HTR4: variants seen among roughly 807,000 people sequenced by gnomAD.
HTR4 encodes 5-hydroxytryptamine receptor 4, also known as 5-hydroxytryptamine (serotonin) receptor 4, G protein-coupled.
A neutral mutation model predicts 36.8 loss-of-function variants in HTR4; 16 were observed. That is an observed-to-expected ratio of 0.43 (90% CI 0.29 to 0.66). HTR4 has a LOEUF of 0.66. Ranked by LOEUF, HTR4 falls within the 30% of genes least tolerant of loss-of-function variation. The probability of loss-of-function intolerance (pLI) is 0.13; values close to 1 mark genes in which losing one functional copy is unlikely to be tolerated. For missense variants in HTR4, 438 were observed against 490.9 expected (o/e 0.89, Z 1.02); for synonymous variants, 189 against 185.1 (o/e 1.02, Z -0.17).
At chr5:148,623,012 A>T (rs1040551558) in intron 2 of HTR4, among the ~76,000 whole-genome samples, 4 of 152,310 alleles carry the variant, frequency 2.6e-5, no homozygotes, top group African/African-American at 9.6e-5. Context: ...TTGAGGAAAA[A>T]GAAGGGGTAG....
chr5:148,551,136 G>A (rs895585268), intron 2 of HTR4, among the ~76,000 whole-genome samples: 1 of 152,118 alleles, frequency 6.6e-6, no homozygotes, highest in Non-Finnish European at 1.5e-5. Flanking sequence ...TTGTTACTGA[G>A]CAAGTTACTT....
downstream of HTR4, among the ~76,000 whole-genome samples, chr5:148,477,646 G>A (rs1755741713): frequency 6.6e-6 from 1 of 152,176 alleles, no homozygotes; most frequent in Admixed American, 6.5e-5. Flanking sequence ...AGGGTTAAAT[G>A]AGGTGTCTCA....
Position 148,601,286 on chromosome 5 carries a change from C to T in HTR4, c.26+35703G>A, listed in dbSNP as rs1469120211. 2.6e-5 allele frequency among the ~76,000 whole-genome samples: 4 copies of T among 152,056 alleles called. 1 individual carries two copies. The highest frequency in any genetic ancestry group is 9.7e-5 in the African/African-American group (4 of 41,394). On this transcript the variant is annotated intron_variant, in intron 2 of 6. Coordinates refer to ENST00000377888, the MANE Select transcript of HTR4 (RefSeq NM_000870.7). ...ATTATGGAAGACAGTGTAGAGGTTC[C>T]TCGAAATAGTAAAAATATAACTACC...
At chr5:148,648,745 C>T (rs943124012) in intron 1 of HTR4, among the ~76,000 whole-genome samples, 3 of 152,170 alleles carry the variant, frequency 2.0e-5, no homozygotes, top group Non-Finnish European at 4.4e-5. Flanking sequence ...GCTATGACTT[C>T]TTGGTCATAA....
chr5:148,588,730 C>T (rs1761445817), intron 2 of HTR4, among the ~76,000 whole-genome samples: 1 of 150,588 alleles, frequency 6.6e-6, no homozygotes, highest in African/African-American at 2.4e-5. Flanking sequence ...TTAGTAGAGA[C>T]GGGGTTTCAC....
At chr5:148,614,955 GA>G (rs1302435984) in intron 2 of HTR4, among the ~76,000 whole-genome samples, 1 of 152,070 alleles carries the variant, frequency 6.6e-6, no homozygotes, top group Non-Finnish European at 1.5e-5. Flanking sequence ...GGCCATCAGA[GA>G]AATGCAAATC....
downstream of HTR4, among the ~76,000 whole-genome samples, chr5:148,478,457 T>C (rs1755769088): frequency 6.6e-6 from 1 of 152,134 alleles, no homozygotes; most frequent in Admixed American, 6.5e-5. Flanking sequence ...GCTTTCTGAA[T>C]GGAGGAAGAG....
intron 2 of HTR4, among the ~76,000 whole-genome samples, chr5:148,618,834 G>C (rs1752806044): frequency 6.6e-6 from 1 of 152,214 alleles, no homozygotes; most frequent in Non-Finnish European, 1.5e-5. Context: ...AAGGGCCACT[G>C]TCAATTTAAT....
At chr5:148,531,985 C>T (rs771670410) in intron 4 of HTR4, among the ~76,000 whole-genome samples, 30 of 152,132 alleles carry the variant, frequency 2.0e-4, no homozygotes, top group Admixed American at 1.2e-3. Flanking sequence ...TGCTGCTCAA[C>T]GTTCTACAGT....
chr5:148,516,654 C>T (rs1457310507), intron 5 of HTR4, among the ~76,000 whole-genome samples: 7 of 150,198 alleles, frequency 4.7e-5, no homozygotes, highest in African/African-American at 1.7e-4. Flanking sequence ...TGCTCCTTAT[C>T]TAATTACTCC....
intron 6 of HTR4, chr5:148,484,260 C>A: frequency 6.2e-7 from 1 of 1,612,512 alleles, no homozygotes; most frequent in East Asian, 2.2e-5. Flanking sequence ...TCATAGTTAC[C>A]CCAAGACAGG....
intron 6 of HTR4, among the ~76,000 whole-genome samples, chr5:148,487,015 T>A (rs1355116258): frequency 1.3e-5 from 2 of 152,204 alleles, no homozygotes; most frequent in African/African-American, 2.4e-5. Flanking sequence ...CTTTCTCCAA[T>A]ATTTTAACGG....
intron 2 of HTR4, among the ~76,000 whole-genome samples, chr5:148,588,207 T>C (rs1326277871): frequency 6.6e-6 from 1 of 152,244 alleles, no homozygotes; most frequent in African/African-American, 2.4e-5. Context: ...TTCTCAGCAC[T>C]GGTCTCATTT....
At chr5:148,523,997 T>G (rs549744498) in intron 4 of HTR4, among the ~76,000 whole-genome samples, 112 of 149,578 alleles carry the variant, frequency 7.5e-4, no homozygotes, top group African/African-American at 2.8e-3. Flanking sequence ...AAGTCCGTGT[T>G]TTTTTTTTTG....
At chr5:148,460,726 A>G (rs1259563675) in intron 5 of HTR4, among the ~76,000 whole-genome samples, 2 of 152,174 alleles carry the variant, frequency 1.3e-5, no homozygotes, top group Non-Finnish European at 2.9e-5. Flanking sequence ...CAGAGAAGGA[A>G]TAAGTGAAGT....
chr5:148,570,141 T>C (rs1022049875), intron 2 of HTR4, among the ~76,000 whole-genome samples: 4 of 151,978 alleles, frequency 2.6e-5, no homozygotes, highest in African/African-American at 9.7e-5. Context: ...ACAAACAAAC[T>C]CTCTGACTCA....
chr5:148,498,054 T>C (rs776291175), intron 6 of HTR4, among the ~76,000 whole-genome samples: 16 of 152,214 alleles, frequency 1.1e-4, no homozygotes, highest in Admixed American at 2.6e-4. Context: ...CTGTGTACAC[T>C]AGTTAGTACA....
In HTR4 at chr5:148,495,912, C is replaced by T. The variant is rs182791304; in HGVS notation, c.1077-12619G>A. On this transcript the variant is annotated intron_variant, in intron 6 of 6. Coordinates refer to ENST00000377888, the MANE Select transcript of HTR4 (RefSeq NM_000870.7). The stretch of plus-strand genomic sequence containing the variant: ...GGTCAGGAGTTCGAGACCAGGCTGG[C>T]CAACATGGGGAAACCCTGTCTCTAT... Among the ~76,000 whole-genome samples, 568 of 152,100 alleles carry T rather than the reference C, an allele frequency of 3.7e-3. 7 individuals carry two copies. Among genetic ancestry groups the T allele is most frequent in the African/African-American group, 0.011 (470 of 41,506 alleles).
At chr5:148,534,042 T>C (rs957213572) in intron 4 of HTR4, among the ~76,000 whole-genome samples, 5 of 152,198 alleles carry the variant, frequency 3.3e-5, no homozygotes, top group Admixed American at 2.6e-4. Context: ...ATTAAGACCA[T>C]ATTTGTTATG....
Sources: gnomAD v4.1 joint callset for allele counts (sites outside exome capture counted in the v4.1 genomes callset) on GRCh38, gnomAD v4.1.1 for gene constraint, MANE v1.5 for transcripts, NCBI Gene and HGNC (gene_info 2026-07-23, HGNC 2026-07-21) for gene names.